The following HTR2B variants were observed in gnomAD, a reference collection of about 807,000 sequenced individuals.
The protein encoded by HTR2B is 5-hydroxytryptamine receptor 2B.
A neutral mutation model predicts 39.8 loss-of-function variants in HTR2B; 31 were observed. That is an observed-to-expected ratio of 0.78 (90% confidence interval 0.58 to 1.05). HTR2B has a LOEUF of 1.05. HTR2B is among the 50% of genes least tolerant of loss of function. The pLI is 0.00. For missense variants in HTR2B, 562 were observed against 578.0 expected (o/e 0.97, Z 0.28); for synonymous variants, 210 against 207.1 (o/e 1.01, Z -0.12).
intron 3 of HTR2B, 80 bp from the exon 4 acceptor site, chr2:231,109,489 T>C: frequency 1.7e-6 from 2 of 1,202,408 alleles, no homozygotes; most frequent in Non-Finnish European, 2.4e-6. Context: ...GATTGTATCC[T>C]TATAACTTTA....
In HTR2B at chr2:231,121,979, A is replaced by C. The variant is rs559821912; in HGVS notation, c.352+1434T>G. Among the ~76,000 whole-genome samples, 9 of 152,108 alleles carry C rather than the reference A, an allele frequency of 5.9e-5. No individual in the cohort carries two copies. In the East Asian group the frequency reaches 1.7e-3, roughly 29 times the overall value. ...AGAATCATATGCCTGTACAGTATTT[A>C]TCAAATATGCATATATATTTCTACA... On this transcript the variant is annotated intron_variant, in intron 2 of 3. Coordinates refer to ENST00000258400, the MANE Select transcript of HTR2B (RefSeq NM_000867.5).
At position 231,123,403 on chromosome 2, in the gene HTR2B, A is replaced by T. The variant is rs748369327; in HGVS notation, c.352+10T>A. 11 of 1,597,878 alleles carry T rather than the reference A, an allele frequency of 6.9e-6. No individual in the cohort carries two copies. The South Asian group carries it at 1.1e-4, about 16-fold the overall frequency. On this transcript the variant is annotated intron_variant, in intron 2 of 3. Transcript: ENST00000258400. ...GTGGTTTGATGGCACAAACAAAGTG[A>T]AATACTTACCAAACATTATTGTCAA...
intron 3 of HTR2B, among the ~76,000 whole-genome samples, 194 bp from the exon 4 acceptor site, chr2:231,109,603 T>C (rs1422128245): frequency 6.6e-6 from 1 of 152,236 alleles, no homozygotes; most frequent in Non-Finnish European, 1.5e-5. Flanking sequence ...CAAATCTGTT[T>C]TTAAACGGAG....
chr2:231,115,707 A>G (rs971373635), intron 2 of HTR2B, among the ~76,000 whole-genome samples: 3 of 152,122 alleles, frequency 2.0e-5, no homozygotes, highest in African/African-American at 4.8e-5. Flanking sequence ...AAGTCTGAAT[A>G]TAGAGGTAAG....
intron 2 of HTR2B, among the ~76,000 whole-genome samples, chr2:231,121,527 T>C (rs1311865658): frequency 6.6e-6 from 1 of 152,214 alleles, no homozygotes; most frequent in Non-Finnish European, 1.5e-5. Context: ...GCTAAGGATA[T>C]GTTGGGTACC....
intron 2 of HTR2B, among the ~76,000 whole-genome samples, chr2:231,115,860 C>G (rs147792739): frequency 2.4e-4 from 36 of 152,234 alleles, no homozygotes; most frequent in East Asian, 7.7e-4. Context: ...GGTCTCATCT[C>G]AGACCTACTG....
At chr2:231,118,492 C>T (rs750883074) in intron 2 of HTR2B, among the ~76,000 whole-genome samples, 49 of 152,224 alleles carry the variant, frequency 3.2e-4, no homozygotes, top group Non-Finnish European at 5.6e-4. Context: ...TTTTTACTAA[C>T]GTTGAATTTT....
chr2:231,108,685 C>T lies in HTR2B; in HGVS notation c.1278G>A (p.Lys426=). The T allele has an allele frequency of 6.2e-7, 1 of 1,614,138 alleles. No individual in the cohort carries two copies. The highest frequency in any genetic ancestry group is 8.5e-7 in the Non-Finnish European group (1 of 1,180,012). ...YFRNPMAENS[K]FFKKHGIRNG... is the part of the protein sequence containing the mutation. ...TTCGAATTCCATGTTTCTTGAAAAA[C>T]TTAGAGTTCTCTGCCATTGGATTCC... The change falls in exon 4 of 4, where the codon AAG becomes AAA. Residue 426 remains lysine (K), a synonymous_variant. Coordinates refer to ENST00000258400, the MANE Select transcript of HTR2B (RefSeq NM_000867.5).
At chr2:231,124,162 T>G in intron 1 of HTR2B, 32 bp from the exon 2 acceptor site, 1 of 194,292 alleles carries the variant, frequency 5.1e-6, no homozygotes, top group African/African-American at 2.4e-5. Flanking sequence ...TGCATTATTT[T>G]ATTCATTTCT....
Position 231,113,843 on chromosome 2 carries a change from A to G in HTR2B, c.439T>C (p.Cys147Arg), listed in dbSNP as rs774421592. 6.2e-7 allele frequency: 1 copy of G among 1,614,182 alleles called. No individual in the cohort carries two copies. The highest frequency in any genetic ancestry group is 8.5e-7 in the Non-Finnish European group (1 of 1,179,996). Residue 147 changes from cysteine (C) to arginine (R), a missense_variant, in exon 3 of 4, where the codon TGT becomes CGT. Cys to Arg is a radical substitution (Grantham distance 180, BLOSUM62 -3). Transcript: ENST00000258400. ...LFSTASIMHL[C>R]AISVDRYIAI... The stretch of plus-strand genomic sequence containing the variant: ...ATGTAACGATCCACTGAAATGGCAC[A>G]GAGATGCATGATGGATGCGGTTGAA...
At chr2:231,112,166 A>G (rs1417408089) in intron 3 of HTR2B, among the ~76,000 whole-genome samples, 2 of 151,954 alleles carry the variant, frequency 1.3e-5, no homozygotes, top group Admixed American at 6.6e-5. Context: ...CACATACCTC[A>G]CACTCTCCCT....
Position 231,113,822 on chromosome 2 carries a change from A to G in HTR2B, c.460T>C (p.Tyr154His). The G allele has an allele frequency of 2.5e-6, 4 of 1,614,146 alleles. No homozygotes were observed. Among genetic ancestry groups the G allele is most frequent in the Non-Finnish European group, 3.4e-6 (4 of 1,179,976 alleles). ...MHLCAISVDR[Y>H]IAIKKPIQAN... ...TGGATTGGCTTTTTGATGGCTATGT[A>G]ACGATCCACTGAAATGGCACAGAGA... Residue 154 changes from tyrosine to histidine, a missense_variant, in exon 3 of 4, where the codon TAC becomes CAC. Tyr to His is a moderately conservative substitution (Grantham distance 83). Coordinates refer to ENST00000258400, the MANE Select transcript of HTR2B (RefSeq NM_000867.5).
chr2:231,109,583 C>A (rs1311192315), intron 3 of HTR2B, among the ~76,000 whole-genome samples, 174 bp from the exon 4 acceptor site: 1 of 152,112 alleles, frequency 6.6e-6, no homozygotes, highest in Non-Finnish European at 1.5e-5. Context: ...ACAAACAGAA[C>A]CTAAGTGAGC....
At chr2:231,119,937 T>A (rs1325478294) in intron 2 of HTR2B, among the ~76,000 whole-genome samples, 1 of 148,670 alleles carries the variant, frequency 6.7e-6, no homozygotes, top group East Asian at 2.0e-4. Flanking sequence ...AGATGCCATA[T>A]CTTCCCGTGT....
At chr2:231,109,558 A>G (rs1695085704) in intron 3 of HTR2B, 149 bp from the exon 4 acceptor site, 2 of 690,526 alleles carry the variant, frequency 2.9e-6, no homozygotes, top group Non-Finnish European at 4.9e-6. Context: ...CGAAGCATTC[A>G]TCAGTGAAGA....
Position 231,109,024 on chromosome 2 carries a change from C to T in HTR2B, c.939G>A (p.Val313=), listed in dbSNP as rs756162206. 25 of 1,614,238 alleles carry T rather than the reference C, an allele frequency of 1.5e-5. No homozygotes were observed. The highest frequency in any genetic ancestry group is 2.1e-5 in the Non-Finnish European group (25 of 1,180,042). ...RRTSTIGKKS[V]QTISNEQRAS... is the part of the protein sequence containing the mutation. The stretch of plus-strand genomic sequence containing the variant: ...CTCTCTGTTCGTTGGAAATGGTCTG[C>T]ACTGACTTTTTCCCAATTGTGGATG... The change falls in exon 4 of 4, where the codon GTG becomes GTA. Residue 313 remains valine, a synonymous_variant. Coordinates refer to ENST00000258400, the MANE Select transcript of HTR2B (RefSeq NM_000867.5).
Position 231,123,686 on chromosome 2 carries a change from TA to T in HTR2B, c.78del (p.Ile27SerfsTer17), listed in dbSNP as rs748077606. On this transcript the variant is annotated frameshift_variant, in exon 2 of 4. Transcript: ENST00000258400. LOFTEE classifies it high-confidence loss of function. ...EHILQSTFVHVISSNWSGLQT... is the reference protein window; with the variant it reads ...EHILQSTFVHXISSNWSGLQT... The stretch of plus-strand genomic sequence containing the variant: ...TGTAATCCAGACCAGTTAGAAGAGA[TA>T]ACGTGAACAAAGGTGCTCTGCAAAA... 1.9e-6 allele frequency: 3 copies of T among 1,613,986 alleles called. No individual in the cohort carries two copies. The highest frequency in any genetic ancestry group is 2.5e-6 in the Non-Finnish European group (3 of 1,179,948).
intron 3 of HTR2B, among the ~76,000 whole-genome samples, chr2:231,110,762 T>A (rs961121679): frequency 7.2e-5 from 11 of 152,256 alleles, no homozygotes; most frequent in Non-Finnish European, 1.6e-4. Context: ...TCTATTTTTG[T>A]AAAAGTTTTA....
chr2:231,108,400 G>C lies in HTR2B; in HGVS notation c.*117C>G, dbSNP rs1253675625. 1.3e-6 allele frequency: 1 copy of C among 753,460 alleles called. No individual in the cohort carries two copies. The highest frequency in any genetic ancestry group is 1.8e-5 in the African/African-American group (1 of 56,982). The allele number at this position is 753,460 out of a possible 1,614,324, so 46.7% of individuals were successfully genotyped here. A position where few individuals can be genotyped will look rare whatever the true frequency, so the allele number is the denominator to read the frequency against. On this transcript the variant is annotated 3_prime_UTR_variant, in exon 4 of 4. Coordinates refer to ENST00000258400, the MANE Select transcript of HTR2B (RefSeq NM_000867.5). ...GATATTCTTAATACTTACATCTTAG[G>C]TTAAAGAGATGATTTGATATATGAC...
Sources: gnomAD v4.1 joint callset for allele counts (sites outside exome capture counted in the v4.1 genomes callset) on GRCh38, gnomAD v4.1.1 for gene constraint, MANE v1.5 for transcripts, NCBI Gene and HGNC (gene_info 2026-07-23, HGNC 2026-07-21) for gene names.